The following CNIH3 variants were observed in gnomAD, a reference collection of about 807,000 sequenced individuals.
CNIH3 encodes protein cornichon homolog 3.
CNIH3 carries 14 observed loss-of-function variants against 24.1 expected under a neutral mutation model. That is an observed-to-expected ratio of 0.58 (90% CI 0.38 to 0.91). The LOEUF (loss-of-function observed/expected upper bound fraction) is 0.91. Ranked by LOEUF, CNIH3 falls within the 40% of genes least tolerant of loss-of-function variation. The pLI is 0.00. For synonymous variants in CNIH3, 68 were observed against 73.8 expected (o/e 0.92, Z 0.40); for missense variants, 178 against 196.8 (o/e 0.90, Z 0.57).
chr1:224,733,056 A>G (rs1323415812), intron 4 of CNIH3, among the ~76,000 whole-genome samples: 9 of 151,976 alleles, frequency 5.9e-5, no homozygotes, highest in Non-Finnish European at 1.3e-4. Flanking sequence ...GACCAGTGAC[A>G]TTTCACATAC....
chr1:224,673,881 G>A (rs895555485), intron 1 of CNIH3, among the ~76,000 whole-genome samples: 2 of 152,088 alleles, frequency 1.3e-5, no homozygotes, highest in East Asian at 1.9e-4. Context: ...GCAGCACAGC[G>A]TGCTGGATGG....
rs71572901 is a variant in CNIH3 at position 224,462,897 on chromosome 1, CTTTTTTTT to C, written n.203+28052_203+28059del. On this transcript the variant is annotated intron_variant and non_coding_transcript_variant, in intron 1 of 5. Coordinates refer to the CNIH3 transcript ENST00000471578. ...CCTTGGTTTCCCAAAATATGTTTAA[CTTTTTTTT>C]TTTTTTTTTTTTTTTTGAGACAGTC... Among the ~76,000 whole-genome samples the C allele has an allele frequency of 2.9e-4, 21 of 73,400 alleles. 1 individual carries two copies. The highest frequency in any genetic ancestry group is 8.0e-4 in the African/African-American group (15 of 18,840). 48.2% of individuals were successfully genotyped at this position (73,400 alleles called of 152,430 possible).
At chr1:224,611,793 T>C (rs1682712907), upstream of CNIH3, among the ~76,000 whole-genome samples, 2 of 152,184 alleles carry the variant, frequency 1.3e-5, no homozygotes, top group Non-Finnish European at 2.9e-5. Flanking sequence ...ACTGTGTCAC[T>C]AGTACTTTTT....
chr1:224,737,149 C>T (rs993609375), intron 5 of CNIH3, among the ~76,000 whole-genome samples: 3 of 135,278 alleles, frequency 2.2e-5, no homozygotes, highest in African/African-American at 5.6e-5. Flanking sequence ...CTGCTGGAGC[C>T]GAGGCGTCGC....
At chr1:224,546,382 A>T (rs1390304523) in intron 2 of CNIH3, among the ~76,000 whole-genome samples, 2 of 152,202 alleles carry the variant, frequency 1.3e-5, no homozygotes, top group African/African-American at 4.8e-5. Flanking sequence ...CTCCCAAGAC[A>T]CCCAGCCTCC....
intron 1 of CNIH3, among the ~76,000 whole-genome samples, chr1:224,480,638 CA>C (rs1027113879): frequency 6.6e-6 from 1 of 152,106 alleles, no homozygotes; most frequent in African/African-American, 2.4e-5. Context: ...TTCAAAGTTC[CA>C]AAAATCTCTA....
At chr1:224,540,806 C>A (rs1679483740), downstream of CNIH3, among the ~76,000 whole-genome samples, 1 of 152,124 alleles carries the variant, frequency 6.6e-6, no homozygotes, top group African/African-American at 2.4e-5. Context: ...CATTATTGGA[C>A]TTAAAATAAT....
At chr1:224,561,250 T>C (rs540318010) in intron 3 of CNIH3, among the ~76,000 whole-genome samples, 1 of 152,334 alleles carries the variant, frequency 6.6e-6, no homozygotes, top group Admixed American at 6.5e-5. Flanking sequence ...AACTTTAATG[T>C]ATTCTAGTGC....
intron 3 of CNIH3, among the ~76,000 whole-genome samples, chr1:224,717,130 G>A (rs1281773609): frequency 2.0e-5 from 3 of 152,202 alleles, no homozygotes; most frequent in African/African-American, 7.2e-5. Context: ...GTGTCTGTGT[G>A]TGTGCATGCA....
At chr1:224,632,347 C>T (rs1183502530) in intron 1 of CNIH3, among the ~76,000 whole-genome samples, 1 of 152,090 alleles carries the variant, frequency 6.6e-6, no homozygotes, top group Non-Finnish European at 1.5e-5. Context: ...CTAAATTCTA[C>T]ACTGAACAGA....
intron 3 of CNIH3, among the ~76,000 whole-genome samples, chr1:224,686,306 T>C (rs1173873190): frequency 6.6e-6 from 1 of 152,114 alleles, no homozygotes; most frequent in Non-Finnish European, 1.5e-5. Context: ...GGTTTCCAGC[T>C]TCATCCATGT....
chr1:224,656,972 A>G (rs925050915), intron 1 of CNIH3, among the ~76,000 whole-genome samples: 4 of 152,102 alleles, frequency 2.6e-5, no homozygotes, highest in Admixed American at 6.6e-5. Flanking sequence ...CCTAGACAAG[A>G]TTTGTCTCTT....
chr1:224,623,029 C>A (rs1683355040), intron 1 of CNIH3, among the ~76,000 whole-genome samples: 1 of 152,164 alleles, frequency 6.6e-6, no homozygotes, highest in Non-Finnish European at 1.5e-5. Flanking sequence ...GGCTCCTGGT[C>A]ACTGTCCTGT....
At position 224,604,481 on chromosome 1, in the gene CNIH3, A is replaced by G. The variant is rs1269671425; in HGVS notation, n.402+38217A>G. On this transcript the variant is annotated intron_variant and non_coding_transcript_variant, in intron 3 of 7. Transcript: ENST00000478120. The surrounding 1 kb of genome is among the most constrained non-coding windows in gnomAD (Gnocchi z 4.4). ...AAGCAGCTTCCTGTGGACTGGACAG[A>G]GGCTGAGATGGAGCCTCTGAAGAAG... is the stretch of plus-strand genomic sequence containing the variant. Among the ~76,000 whole-genome samples, 1 of 152,206 alleles carries G rather than the reference A, an allele frequency of 6.6e-6. No individual in the cohort carries two copies. Among genetic ancestry groups the G allele is most frequent in the African/African-American group, 2.4e-5 (1 of 41,452 alleles).
downstream of CNIH3, among the ~76,000 whole-genome samples, chr1:224,590,721 G>T (rs1681718849): frequency 6.6e-6 from 1 of 152,094 alleles, no homozygotes; most frequent in Non-Finnish European, 1.5e-5. Context: ...ATTGCATTTG[G>T]GATTAAGTTC....
chr1:224,646,851 T>C (rs897880433), intron 1 of CNIH3, among the ~76,000 whole-genome samples: 4 of 152,218 alleles, frequency 2.6e-5, no homozygotes, highest in African/African-American at 9.6e-5. Context: ...AGTGCTGGTG[T>C]CCAGTGTGTG....
In CNIH3 at chr1:224,468,802, G is replaced by A. The variant is rs1034411101; in HGVS notation, n.203+33940G>A. ...CCACTGCCACTGCACTCCAGCCTGC[G>A]TGACAGAGTGAGACCCTGTCTCAAA... On this transcript the variant is annotated intron_variant and non_coding_transcript_variant, in intron 1 of 5. Coordinates refer to the CNIH3 transcript ENST00000471578. Among the ~76,000 whole-genome samples the A allele has an allele frequency of 1.9e-4, 29 of 150,540 alleles. No individual in the cohort carries two copies. The East Asian group carries it at 2.0e-3, about 10-fold the overall frequency.
chr1:224,649,644 C>T (rs886387879), intron 1 of CNIH3, among the ~76,000 whole-genome samples: 8 of 152,298 alleles, frequency 5.3e-5, no homozygotes, highest in South Asian at 2.1e-4. Context: ...ATCTACTTGG[C>T]TTCATTTGGA....
At chr1:224,672,533 C>T (rs923760491) in intron 1 of CNIH3, among the ~76,000 whole-genome samples, 1 of 152,180 alleles carries the variant, frequency 6.6e-6, no homozygotes, top group Admixed American at 6.5e-5. Context: ...AGAATCCTTC[C>T]TCACCTCTTC....
Sources: allele counts gnomAD v4.1 joint callset (sites outside exome capture counted in the v4.1 genomes callset), GRCh38; gene constraint gnomAD v4.1.1; non-coding constraint Gnocchi (gnomAD v3.1); transcripts MANE v1.5; gene names NCBI Gene and HGNC (gene_info 2026-07-23, HGNC 2026-07-21).